Variants in ZNF326 observed in about 807,000 individuals in gnomAD.
The protein encoded by ZNF326 is DBIRD complex subunit ZNF326.
In ZNF326, 30 loss-of-function variants were observed where a neutral mutation model predicts 63.1. That is an observed-to-expected ratio of 0.48 (90% CI 0.36 to 0.64). ZNF326 has a LOEUF of 0.64. Among genes scored for constraint, ZNF326 ranks in the 30% least tolerant of loss-of-function variants. ZNF326 has a pLI of 0.00. For synonymous variants in ZNF326, 194 were observed against 228.2 expected (o/e 0.85, Z 1.35); for missense variants, 609 against 720.3 (o/e 0.85, Z 1.77).
In ZNF326 at chr1:90,007,473, G is replaced by A. The variant is rs1311638851; in HGVS notation, c.338G>A (p.Ser113Asn). 1.2e-6 allele frequency: 2 copies of A among 1,614,040 alleles called. No individual in the cohort carries two copies. The highest frequency in any genetic ancestry group is 1.1e-5 in the South Asian group (1 of 91,068). ...FGGSYGGRFE[S>N]SYRNSLDSFG... ...GGTAGTTATGGTGGTCGATTTGAGA[G>A]CTCCTACCGGAATAGCCTTGACTCT... Residue 113 changes from serine (S) to asparagine (N), a missense_variant, in exon 5 of 12, where the codon AGC becomes AAC. Around this residue, in one of 3 missense-constraint regions of ZNF326, gnomAD observed 113 missense variants for 187.4 expected, o/e 0.60. Coordinates refer to ENST00000340281, the MANE Select transcript of ZNF326 (RefSeq NM_182976.4). This position sits in a 1 kb window ranked among gnomAD's most constrained non-coding sequence, Gnocchi z 4.9.
intron 7 of ZNF326, among the ~76,000 whole-genome samples, chr1:90,014,502 T>C (rs932283574): frequency 3.3e-5 from 5 of 152,224 alleles, no homozygotes; most frequent in African/African-American, 1.2e-4. Context: ...TGCCATTTTA[T>C]TACTAAGGAG....
At chr1:90,021,141 C>G (rs1349893735) in intron 10 of ZNF326, among the ~76,000 whole-genome samples, 1 of 152,028 alleles carries the variant, frequency 6.6e-6, no homozygotes, top group Non-Finnish European at 1.5e-5. Context: ...GTTACGCAAG[C>G]AAGTTAACCT....
intron 1 of ZNF326, among the ~76,000 whole-genome samples, chr1:89,995,487 G>A (rs924511046): frequency 6.6e-6 from 1 of 152,252 alleles, no homozygotes; most frequent in Admixed American, 6.5e-5. Flanking sequence ...GCGGAGACAA[G>A]AGAACTCGGT....
At chr1:90,012,281 A>C (rs1240854506) in intron 6 of ZNF326, among the ~76,000 whole-genome samples, 2 of 152,232 alleles carry the variant, frequency 1.3e-5, no homozygotes, top group African/African-American at 4.8e-5. Context: ...ATAAAAAAGG[A>C]AGTACTTACT....
intron 6 of ZNF326, 104 bp from the exon 7 acceptor site, chr1:90,013,022 A>C: frequency 1.1e-6 from 1 of 880,670 alleles, no homozygotes; most frequent in Non-Finnish European, 1.6e-6. Context: ...TTTAGATTAC[A>C]ATCACTAAGT....
At position 90,027,620 on chromosome 1, in the gene ZNF326, A is replaced by G; in HGVS notation, c.1668A>G (p.Val556=). Residue 556 remains valine (V), a synonymous_variant, in exon 12 of 12, where the codon GTA becomes GTG. Transcript: ENST00000340281. ...GAGAAGTAGAGGGAGTGGGGGAAGT[A>G]GAGGAAGTAGAGGAATTAGAGGAAG... ...VVGEVEGVGE[V]EEVEELEEET... is the part of the protein sequence containing the mutation. The G allele has an allele frequency of 6.2e-7, 1 of 1,613,660 alleles. No homozygotes were observed. The highest frequency in any genetic ancestry group is 8.5e-7 in the Non-Finnish European group (1 of 1,179,820).
At chr1:90,000,663 C>T (rs1648632515) in intron 2 of ZNF326, among the ~76,000 whole-genome samples, 1 of 152,150 alleles carries the variant, frequency 6.6e-6, no homozygotes, top group Middle Eastern at 3.2e-3. Flanking sequence ...TATGATTGTG[C>T]CACTGCAGTC....
At chr1:90,016,204 A>G (rs944044481) in intron 7 of ZNF326, among the ~76,000 whole-genome samples, 3 of 152,090 alleles carry the variant, frequency 2.0e-5, no homozygotes, top group African/African-American at 7.2e-5. Context: ...ATCTCAATGT[A>G]AGAAAACCAA....
intron 1 of ZNF326, among the ~76,000 whole-genome samples, chr1:89,996,832 G>T (rs959302982): frequency 6.6e-6 from 1 of 152,076 alleles, no homozygotes; most frequent in Non-Finnish European, 1.5e-5. Flanking sequence ...ATATATTATT[G>T]TATTTTCATG....
chr1:90,022,122 G>A (rs548764167), intron 10 of ZNF326, 128 bp from the exon 11 acceptor site: 1 of 691,526 alleles, frequency 1.4e-6, no homozygotes, highest in African/African-American at 1.8e-5. Context: ...AGTTGCTATT[G>A]CTCTATAGTT....
At chr1:90,009,782 AT>A (rs925679260) in intron 5 of ZNF326, among the ~76,000 whole-genome samples, 1 of 152,210 alleles carries the variant, frequency 6.6e-6, no homozygotes, top group African/African-American at 2.4e-5. Context: ...AAGTGGTAAC[AT>A]TTGGACAGGC....
intron 11 of ZNF326, among the ~76,000 whole-genome samples, chr1:90,024,359 C>A (rs780703549): frequency 2.6e-5 from 4 of 152,186 alleles, no homozygotes; most frequent in Non-Finnish European, 5.9e-5. Context: ...TTGATAATCA[C>A]CCCTTTCAGT....
At chr1:90,022,497 T>A in intron 11 of ZNF326, 152 bp downstream of exon 11, 1 of 600,946 alleles carries the variant, frequency 1.7e-6, no homozygotes, top group Non-Finnish European at 2.9e-6. Context: ...ACATCTTTTT[T>A]CCTAATTGTT....
chr1:90,021,195 T>C (rs184533130), intron 10 of ZNF326, among the ~76,000 whole-genome samples: 2 of 152,094 alleles, frequency 1.3e-5, no homozygotes, highest in Non-Finnish European at 2.9e-5. Flanking sequence ...GGGTAGATGA[T>C]CATTCTACTC....
rs762913289 is a variant in ZNF326 at position 90,033,128 on chromosome 1, T to C, written c.*5427T>C. 3.9e-5 allele frequency: 6 copies of C among 152,186 alleles called. No homozygotes were observed. Among genetic ancestry groups the C allele is most frequent in the African/African-American group, 1.4e-4 (6 of 41,454 alleles). The allele number at this position is 152,186 out of a possible 1,614,324, so 9.4% of individuals were successfully genotyped here. A position where few individuals can be genotyped will look rare whatever the true frequency, so the allele number is the denominator to read the frequency against. ...CCAGATAATGATACTGAGAAATTTA[T>C]TGGTTGGAAAACTGCTATCTACAGG... On this transcript the variant is annotated 3_prime_UTR_variant, in exon 12 of 12. Transcript: ENST00000340281.
chr1:90,022,471 C>A, intron 11 of ZNF326, 126 bp downstream of exon 11: 2 of 704,094 alleles, frequency 2.8e-6, no homozygotes, highest in Non-Finnish European at 2.4e-6. Flanking sequence ...TACTCAGTAT[C>A]TTGCATATAG....
chr1:90,012,531 A>G (rs1557522581), intron 6 of ZNF326, among the ~76,000 whole-genome samples: 1 of 152,210 alleles, frequency 6.6e-6, no homozygotes, highest in East Asian at 1.9e-4. Flanking sequence ...AACTTTGTGA[A>G]TGTACTTAAT....
intron 2 of ZNF326, among the ~76,000 whole-genome samples, chr1:90,004,599 C>T (rs377661790): frequency 6.6e-6 from 1 of 152,076 alleles, no homozygotes; most frequent in Non-Finnish European, 1.5e-5. Context: ...GCCTGTAATC[C>T]CAGCACTTTG....
At chr1:90,004,676 GC>G (rs1648870509) in intron 2 of ZNF326, among the ~76,000 whole-genome samples, 2 of 151,630 alleles carry the variant, frequency 1.3e-5, no homozygotes, top group East Asian at 3.9e-4. Context: ...CACGGTGAAA[GC>G]CCATCTCTAT....
Sources: allele counts gnomAD v4.1 joint callset (sites outside exome capture counted in the v4.1 genomes callset), GRCh38; gene constraint gnomAD v4.1.1; regional missense constraint gnomAD v4.1.1; non-coding constraint Gnocchi (gnomAD v3.1); transcripts MANE v1.5; gene names NCBI Gene and HGNC (gene_info 2026-07-23, HGNC 2026-07-21).